KCNH1: variants seen among roughly 807,000 people sequenced by gnomAD.
KCNH1 encodes voltage-gated delayed rectifier potassium channel KCNH1.
Under a neutral mutation model 69.2 loss-of-function variants are expected in KCNH1, and 27 were observed. That is an observed-to-expected ratio of 0.39 (90% CI 0.29 to 0.54). KCNH1 has a LOEUF of 0.54. KCNH1 is among the 20% of genes least tolerant of loss of function. The probability of loss-of-function intolerance (pLI) is 0.68; values close to 1 mark genes in which losing one functional copy is unlikely to be tolerated. For synonymous variants in KCNH1, 456 were observed against 487.7 expected (o/e 0.93, Z 0.86); for missense variants, 798 against 1,261.6 (o/e 0.63, Z 5.57).
At chr1:210,833,756 A>C (rs993095155) in intron 7 of KCNH1, among the ~76,000 whole-genome samples, 2 of 152,188 alleles carry the variant, frequency 1.3e-5, no homozygotes, top group Non-Finnish European at 2.9e-5. Flanking sequence ...CAACCCACAA[A>C]ATGGGAGAAA....
At chr1:210,838,427 T>C (rs1685332698) in intron 7 of KCNH1, among the ~76,000 whole-genome samples, 1 of 151,948 alleles carries the variant, frequency 6.6e-6, no homozygotes, top group Non-Finnish European at 1.5e-5. Context: ...TAAAGATGGA[T>C]TAAAAACTTA....
At position 210,874,079 on chromosome 1, in the gene KCNH1, A is replaced by C. The variant is rs76187478; in HGVS notation, c.1462+45561T>G. Among the ~76,000 whole-genome samples, 1,474 of 152,310 alleles carry C rather than the reference A, an allele frequency of 9.7e-3. 27 individuals carry two copies. The highest frequency in any genetic ancestry group is 0.034 in the African/African-American group (1,415 of 41,570). On this transcript the variant is annotated intron_variant, in intron 7 of 10. Coordinates refer to ENST00000271751, the MANE Select transcript of KCNH1 (RefSeq NM_172362.3). ...AAGAAAAGTCTACTGAGGTTGGAGA[A>C]TATAAGCTTCTTGGAAAAGTTTCTT...
intron 7 of KCNH1, among the ~76,000 whole-genome samples, chr1:210,906,600 T>A (rs1687106668): frequency 6.6e-6 from 1 of 152,224 alleles, no homozygotes; most frequent in Non-Finnish European, 1.5e-5. Context: ...GAATGAGACA[T>A]CCAGTGGGTG....
chr1:211,019,236 G>T lies in KCNH1; in HGVS notation c.579C>A (p.Asp193Glu), dbSNP rs770971374. 6.2e-7 allele frequency: 1 copy of T among 1,608,546 alleles called. No individual in the cohort carries two copies. The highest frequency in any genetic ancestry group is 8.5e-7 in the Non-Finnish European group (1 of 1,178,742). Residue 193 changes from aspartate (D) to glutamate (E), a missense_variant, in exon 6 of 11, where the codon GAC becomes GAA. Around this residue, in one of 4 missense-constraint regions of KCNH1, gnomAD observed 266 missense variants for 457.2 expected, o/e 0.58. Coordinates refer to ENST00000271751, the MANE Select transcript of KCNH1 (RefSeq NM_172362.3). ...CCTCTTGCTTGTACTGGGGAAGGAT[G>T]TCTGAGCCCAGCTGTAGGACCTGTA... ...RLAEVLQLGS[D>E]ILPQYKQEAP...
intron 10 of KCNH1, among the ~76,000 whole-genome samples, chr1:210,719,475 C>T (rs548916834): frequency 1.6e-4 from 25 of 152,278 alleles, no homozygotes; most frequent in African/African-American, 5.8e-4. Flanking sequence ...TGTTCTCACT[C>T]ATAAGTGGGA....
chr1:210,894,787 A>T (rs1054407428), intron 7 of KCNH1, among the ~76,000 whole-genome samples: 2 of 152,184 alleles, frequency 1.3e-5, no homozygotes, highest in Non-Finnish European at 2.9e-5. Context: ...CCCTAACAAG[A>T]TGCCAGCACC....
rs139485350 is a variant in KCNH1 at position 210,788,685 on chromosome 1, C to CTTTTTT, written c.1915+8817_1915+8822dup. ...AGATTATTCATATTATAGCTTCTTT[C>CTTTTTT]TTTTTTTTTTTTTTTTTTTTTTTTT... On this transcript the variant is annotated intron_variant, in intron 9 of 10. Transcript: ENST00000271751. Among the ~76,000 whole-genome samples the CTTTTTT allele has an allele frequency of 1.5e-3, 118 of 80,724 alleles. 4 individuals are homozygous for CTTTTTT. Among genetic ancestry groups the CTTTTTT allele is most frequent in the Non-Finnish European group, 1.7e-3 (77 of 44,150 alleles). 53.0% of individuals were successfully genotyped at this position (80,724 alleles called of 152,430 possible).
intron 7 of KCNH1, among the ~76,000 whole-genome samples, chr1:210,915,348 G>T (rs1332755545): frequency 2.6e-5 from 4 of 152,192 alleles, no homozygotes; most frequent in Non-Finnish European, 5.9e-5. Context: ...ATCTGTTGGG[G>T]CATGAGGGGA....
chr1:210,852,998 T>C (rs1685741829), intron 7 of KCNH1, among the ~76,000 whole-genome samples: 1 of 152,150 alleles, frequency 6.6e-6, no homozygotes, highest in Non-Finnish European at 1.5e-5. Flanking sequence ...ATTTCCATCA[T>C]GTGCTAGCTT....
chr1:210,712,933 G>C (rs12048359), intron 10 of KCNH1, among the ~76,000 whole-genome samples: 39,896 of 151,778 alleles, frequency 0.26, 7,297 homozygotes, highest in African/African-American at 0.51. Context: ...CCCAGCAGCA[G>C]AGCCACTTGC....
chr1:210,854,517 C>G (rs1192683355), intron 7 of KCNH1, among the ~76,000 whole-genome samples: 1 of 152,188 alleles, frequency 6.6e-6, no homozygotes, highest in Non-Finnish European at 1.5e-5. Flanking sequence ...GGGAGCATCT[C>G]TGAAGAGCAG....
At chr1:210,853,976 A>C (rs1685772195) in intron 7 of KCNH1, among the ~76,000 whole-genome samples, 1 of 151,176 alleles carries the variant, frequency 6.6e-6, no homozygotes, top group African/African-American at 2.4e-5. Flanking sequence ...AAAGAAACCA[A>C]AGTCTTATCT....
intron 7 of KCNH1, chr1:210,862,394 G>T: frequency 1.7e-6 from 1 of 603,720 alleles, no homozygotes; most frequent in South Asian, 1.8e-5. Flanking sequence ...AAAGGGCAAT[G>T]GTGCAATCTT....
At chr1:210,780,786 G>A (rs1291522357) in intron 9 of KCNH1, among the ~76,000 whole-genome samples, 4 of 152,206 alleles carry the variant, frequency 2.6e-5, no homozygotes, top group Non-Finnish European at 4.4e-5. Flanking sequence ...GGTGGCTCAC[G>A]CCTGTAATCC....
intron 7 of KCNH1, among the ~76,000 whole-genome samples, chr1:210,907,383 T>C (rs1260937143): frequency 6.6e-6 from 1 of 152,180 alleles, no homozygotes; most frequent in Non-Finnish European, 1.5e-5. Context: ...TTTCTCCATA[T>C]GTAGATGCTT....
intron 8 of KCNH1, among the ~76,000 whole-genome samples, chr1:210,800,576 A>G (rs1400979847): frequency 6.6e-6 from 1 of 152,184 alleles, no homozygotes; most frequent in Admixed American, 6.5e-5. Context: ...GAGAAATTGC[A>G]GACTGTCACA....
chr1:211,063,295 T>A (rs1558588299), intron 5 of KCNH1: 1 of 151,800 alleles, frequency 6.6e-6, no homozygotes, highest in East Asian at 1.9e-4. Flanking sequence ...GTTACCAGAG[T>A]CTAGGAATGA....
chr1:210,738,095 C>T (rs1682922088), intron 10 of KCNH1, among the ~76,000 whole-genome samples: 1 of 152,142 alleles, frequency 6.6e-6, no homozygotes, highest in Non-Finnish European at 1.5e-5. Context: ...CTACCACTCT[C>T]CTCTCATTCA....
chr1:211,121,544 A>T (rs1021574349), intron 1 of KCNH1, among the ~76,000 whole-genome samples: 1 of 152,258 alleles, frequency 6.6e-6, no homozygotes, highest in Admixed American at 6.5e-5. Context: ...ATGTAACTCA[A>T]GACTTAAATG....
Sources: allele counts gnomAD v4.1 joint callset (sites outside exome capture counted in the v4.1 genomes callset), GRCh38; gene constraint gnomAD v4.1.1; regional missense constraint gnomAD v4.1.1; transcripts MANE v1.5; gene names NCBI Gene and HGNC (gene_info 2026-07-23, HGNC 2026-07-21).